KCNJ6: variants seen among roughly 807,000 people sequenced by gnomAD.
The protein encoded by KCNJ6 is G protein-activated inward rectifier potassium channel 2.
Under a neutral mutation model 34.2 loss-of-function variants are expected in KCNJ6, and 9 were observed. The ratio of observed to expected loss-of-function variants is 0.26; its 90% CI spans 0.16 to 0.46. The LOEUF is 0.46. Ranked by LOEUF, KCNJ6 falls within the 20% of genes least tolerant of loss-of-function variation. The pLI, the probability that KCNJ6 is intolerant of heterozygous loss-of-function variation, is 1.00. For missense variants in KCNJ6, 236 were observed against 531.3 expected (o/e 0.44, Z 5.46); for synonymous variants, 196 against 207.1 (o/e 0.95, Z 0.46).
At chr21:37,882,524 C>T (rs891180012) in intron 1 of KCNJ6, among the ~76,000 whole-genome samples, 6 of 152,234 alleles carry the variant, frequency 3.9e-5, no homozygotes, top group Admixed American at 2.6e-4. Flanking sequence ...CCTTCGCCCC[C>T]AGCCTTTCCT....
rs1466310158 is a variant in KCNJ6, at chr21:37,608,490, G to A, written c.*16669C>T. On this transcript the variant is annotated 3_prime_UTR_variant, in exon 4 of 4. Coordinates refer to ENST00000609713, the MANE Select transcript of KCNJ6 (RefSeq NM_002240.5). ...GATCTCTGTCTCCAAAACCTAAGCA[G>A]TCTTTGAGAAATGTCAGGGCAAATG... 6.6e-6 allele frequency: 1 copy of A among 152,216 alleles called. No individual in the cohort carries two copies. Among genetic ancestry groups the A allele is most frequent in the African/African-American group, 2.4e-5 (1 of 41,456 alleles). The allele number at this position is 152,216 out of a possible 1,614,324, so 9.4% of individuals were successfully genotyped here.
intron 3 of KCNJ6, among the ~76,000 whole-genome samples, chr21:37,635,479 A>G (rs761555593): frequency 9.2e-5 from 14 of 151,440 alleles, no homozygotes; most frequent in Non-Finnish European, 1.8e-4. Context: ...CAGCCTCCCA[A>G]AGTGCTGGGA....
At chr21:37,754,745 T>C (rs1432422565) in intron 2 of KCNJ6, among the ~76,000 whole-genome samples, 1 of 152,246 alleles carries the variant, frequency 6.6e-6, no homozygotes, top group Non-Finnish European at 1.5e-5. Flanking sequence ...GGGTTTGCTT[T>C]AGTCCTCACT....
intron 2 of KCNJ6, among the ~76,000 whole-genome samples, chr21:37,762,213 C>T (rs1006972981): frequency 1.3e-5 from 2 of 152,172 alleles, no homozygotes; most frequent in African/African-American, 4.8e-5. Context: ...ACCCACTCCT[C>T]TGGCTCCCTG....
chr21:37,762,722 T>C (rs1312517158), intron 2 of KCNJ6, among the ~76,000 whole-genome samples: 1 of 152,038 alleles, frequency 6.6e-6, no homozygotes, highest in African/African-American at 2.4e-5. Flanking sequence ...CGCTGCGCTG[T>C]GTGATGATTG....
At chr21:37,837,962 C>T (rs555396591) in intron 2 of KCNJ6, among the ~76,000 whole-genome samples, 122 of 152,308 alleles carry the variant, frequency 8.0e-4, no homozygotes, top group Admixed American at 1.2e-3. Context: ...GAAGTTGCCT[C>T]ACATCTTATA....
chr21:37,860,333 A>G (rs940666215), intron 1 of KCNJ6, among the ~76,000 whole-genome samples: 3 of 152,056 alleles, frequency 2.0e-5, no homozygotes, highest in Admixed American at 2.0e-4. Context: ...CCGATCCCAC[A>G]TCTTATGGCC....
At chr21:37,887,874 G>A (rs577933787) in intron 1 of KCNJ6, among the ~76,000 whole-genome samples, 16 of 152,312 alleles carry the variant, frequency 1.1e-4, no homozygotes, top group African/African-American at 2.6e-4. Flanking sequence ...GGAAAGTCAC[G>A]GGAGCTGGGT....
chr21:37,683,195 C>T (rs1002946224), intron 3 of KCNJ6, among the ~76,000 whole-genome samples: 4 of 152,152 alleles, frequency 2.6e-5, no homozygotes, highest in African/African-American at 9.7e-5. Context: ...CAAGACATCA[C>T]CAAAAATTCA....
chr21:37,678,416 A>G (rs1249593528), intron 3 of KCNJ6, among the ~76,000 whole-genome samples: 2 of 152,206 alleles, frequency 1.3e-5, no homozygotes, highest in East Asian at 1.9e-4. Context: ...GGGATTGTAT[A>G]GAGAGGTGGG....
chr21:37,793,570 AAG>A lies in KCNJ6; in HGVS notation c.25+47086_25+47087del, dbSNP rs2055227260. ...CAAAAAAAAAAAAAAAAAAAAAAAA[AAG>A]AGTGAGAGCTATCAAGCCTCTAAGG... is the stretch of plus-strand genomic sequence containing the variant. On this transcript the variant is annotated intron_variant, in intron 2 of 3. Transcript: ENST00000609713. Among the ~76,000 whole-genome samples the A allele has an allele frequency of 6.0e-5, 9 of 151,250 alleles. 1 individual carries two copies. Among genetic ancestry groups the A allele is most frequent in the African/African-American group, 1.7e-4 (7 of 41,338 alleles).
At chr21:37,809,422 G>T (rs936107902) in intron 2 of KCNJ6, among the ~76,000 whole-genome samples, 2 of 151,942 alleles carry the variant, frequency 1.3e-5, no homozygotes, top group Non-Finnish European at 2.9e-5. Flanking sequence ...TATACCTAAT[G>T]CTAAATGACG....
chr21:37,887,154 T>C (rs1472631350), intron 1 of KCNJ6, among the ~76,000 whole-genome samples: 1 of 152,104 alleles, frequency 6.6e-6, no homozygotes, highest in Non-Finnish European at 1.5e-5. Context: ...CTGAGAACTT[T>C]GGTCAAGTCA....
chr21:37,725,166 A>G (rs1008501072), intron 2 of KCNJ6, among the ~76,000 whole-genome samples: 1 of 152,146 alleles, frequency 6.6e-6, no homozygotes, highest in Non-Finnish European at 1.5e-5. Flanking sequence ...GATAGAAGGA[A>G]TATGGATCAT....
intron 1 of KCNJ6, among the ~76,000 whole-genome samples, chr21:37,855,300 A>G (rs3827199): frequency 0.58 from 88,079 of 152,084 alleles, 25,846 homozygotes; most frequent in Middle Eastern, 0.68. Context: ...TTTTTGGAGT[A>G]CGATGTGGTT....
chr21:37,890,313 T>G (rs967625778), intron 1 of KCNJ6, among the ~76,000 whole-genome samples: 28 of 152,208 alleles, frequency 1.8e-4, no homozygotes, highest in Admixed American at 1.8e-3. Context: ...AATAGCATGA[T>G]GGTAACTGCC....
At chr21:37,791,590 G>T (rs2055217142) in intron 2 of KCNJ6, among the ~76,000 whole-genome samples, 1 of 152,152 alleles carries the variant, frequency 6.6e-6, no homozygotes, top group Non-Finnish European at 1.5e-5. Flanking sequence ...GTACATAAAA[G>T]AAAATATAAT....
intron 2 of KCNJ6, among the ~76,000 whole-genome samples, chr21:37,720,909 T>A (rs1054258946): frequency 6.6e-6 from 1 of 151,178 alleles, no homozygotes; most frequent in African/African-American, 2.4e-5. Flanking sequence ...GGGTTTCACC[T>A]TGTTAGCCAG....
intron 1 of KCNJ6, among the ~76,000 whole-genome samples, chr21:37,870,317 T>A (rs910355316): frequency 3.4e-5 from 5 of 147,338 alleles, no homozygotes; most frequent in Non-Finnish European, 7.4e-5. Context: ...GAAAGCAATA[T>A]GCCATCAATA....
Sources: allele counts gnomAD v4.1 joint callset (sites outside exome capture counted in the v4.1 genomes callset), GRCh38; gene constraint gnomAD v4.1.1; transcripts MANE v1.5; gene names NCBI Gene and HGNC (gene_info 2026-07-23, HGNC 2026-07-21).